The following PPP4R3B variants were observed in gnomAD, a reference collection of about 807,000 sequenced individuals.
PPP4R3B encodes the protein protein phosphatase 4 regulatory subunit 3B.
In PPP4R3B, 52 loss-of-function variants were observed where a neutral mutation model predicts 95.4. That is an observed-to-expected ratio of 0.54 (90% CI 0.44 to 0.69). The LOEUF is 0.69. PPP4R3B is among the 30% of genes least tolerant of loss of function. The pLI is 0.00. For synonymous variants in PPP4R3B, 407 were observed against 343.9 expected (o/e 1.18, Z -2.03); for missense variants, 1,003 against 1,005.9 (o/e 1.00, Z 0.04).
intron 10 of PPP4R3B, among the ~76,000 whole-genome samples, chr2:55,577,618 G>A (rs1368075036): frequency 6.6e-6 from 1 of 152,002 alleles, no homozygotes; most frequent in Non-Finnish European, 1.5e-5. Flanking sequence ...AGATAAAACT[G>A]ACATATCTTC....
intron 7 of PPP4R3B, among the ~76,000 whole-genome samples, chr2:55,582,387 G>A (rs1224718320): frequency 6.6e-6 from 1 of 152,064 alleles, no homozygotes; most frequent in African/African-American, 2.4e-5. Context: ...TTTAGTAGCT[G>A]GGATTAAAGG....
At chr2:55,587,881 TAG>T (rs1255994344) in intron 5 of PPP4R3B, among the ~76,000 whole-genome samples, 1 of 152,158 alleles carries the variant, frequency 6.6e-6, no homozygotes, top group Non-Finnish European at 1.5e-5. Flanking sequence ...AAAGATGACT[TAG>T]AGGTTTTAAA....
intron 5 of PPP4R3B, among the ~76,000 whole-genome samples, chr2:55,588,271 T>C (rs1690437718): frequency 6.6e-6 from 1 of 152,178 alleles, no homozygotes; most frequent in Non-Finnish European, 1.5e-5. Flanking sequence ...CCCAGCACTT[T>C]AGGAGGCCAA....
intron 2 of PPP4R3B, among the ~76,000 whole-genome samples, chr2:55,610,988 C>T (rs554286087): frequency 9.0e-4 from 136 of 151,482 alleles, no homozygotes; most frequent in African/African-American, 3.2e-3. Flanking sequence ...ACCTCAGATT[C>T]CCAAGCAGCT....
chr2:55,616,323 A>C (rs1189350346), intron 1 of PPP4R3B, among the ~76,000 whole-genome samples: 1 of 152,218 alleles, frequency 6.6e-6, no homozygotes, highest in Non-Finnish European at 1.5e-5. Context: ...ATGACTATTT[A>C]AAATAAAAGG....
intron 5 of PPP4R3B, among the ~76,000 whole-genome samples, chr2:55,588,665 T>C (rs1242544562): frequency 6.6e-6 from 1 of 152,122 alleles, no homozygotes; most frequent in Non-Finnish European, 1.5e-5. Context: ...GGGTGATACA[T>C]CAGAACATCC....
At chr2:55,551,006 T>A (rs1332402868) in intron 16 of PPP4R3B, among the ~76,000 whole-genome samples, 1 of 152,130 alleles carries the variant, frequency 6.6e-6, no homozygotes. Flanking sequence ...AGGCTAACTG[T>A]AGGTCTGATG....
intron 2 of PPP4R3B, among the ~76,000 whole-genome samples, chr2:55,612,280 C>T (rs190975247): frequency 2.6e-5 from 4 of 152,244 alleles, no homozygotes; most frequent in South Asian, 2.1e-4. Flanking sequence ...GAACAACAGA[C>T]TTCATGTGAT....
intron 4 of PPP4R3B, among the ~76,000 whole-genome samples, chr2:55,589,293 A>G (rs1473722304): frequency 5.3e-5 from 8 of 152,230 alleles, no homozygotes; most frequent in South Asian, 2.1e-4. Flanking sequence ...TAATTTAAAC[A>G]TAATTCAAAC....
intron 13 of PPP4R3B, among the ~76,000 whole-genome samples, chr2:55,566,029 A>C (rs1171676994): frequency 1.3e-5 from 2 of 152,218 alleles, no homozygotes; most frequent in African/African-American, 4.8e-5. Flanking sequence ...AATAACTTCT[A>C]AATTCTAAAC....
intron 4 of PPP4R3B, among the ~76,000 whole-genome samples, chr2:55,589,419 G>C (rs1216230903): frequency 6.6e-6 from 1 of 152,184 alleles, no homozygotes; most frequent in Non-Finnish European, 1.5e-5. Context: ...AAGTTACAAA[G>C]CTATTTAAAA....
chr2:55,587,362 T>C (rs1574818912), intron 5 of PPP4R3B, among the ~76,000 whole-genome samples: 1 of 152,146 alleles, frequency 6.6e-6, no homozygotes, highest in Admixed American at 6.5e-5. Context: ...GGCAGGCGGA[T>C]CACTTGAGTC....
At chr2:55,601,954 A>G (rs1692680198) in intron 3 of PPP4R3B, among the ~76,000 whole-genome samples, 2 of 152,200 alleles carry the variant, frequency 1.3e-5, no homozygotes, top group African/African-American at 4.8e-5. Context: ...CTAAACTAAG[A>G]AAAATGAAAG....
chr2:55,606,297 G>A (rs994528373), intron 2 of PPP4R3B, among the ~76,000 whole-genome samples: 6 of 152,162 alleles, frequency 3.9e-5, no homozygotes, highest in Non-Finnish European at 1.5e-5. Context: ...TGTTTGAACT[G>A]TAATGGCTCC....
At chr2:55,609,680 A>G (rs1018146223) in intron 2 of PPP4R3B, among the ~76,000 whole-genome samples, 4 of 151,714 alleles carry the variant, frequency 2.6e-5, no homozygotes, top group African/African-American at 9.7e-5. Context: ...AAAAAAAAAA[A>G]ACAAAAAAAA....
At chr2:55,597,036 T>A (rs944835802) in intron 4 of PPP4R3B, among the ~76,000 whole-genome samples, 3 of 152,050 alleles carry the variant, frequency 2.0e-5, no homozygotes, top group African/African-American at 7.2e-5. Context: ...AGTAGAATAG[T>A]GGTTACTAAG....
intron 16 of PPP4R3B, 32 bp downstream of exon 16, chr2:55,558,743 G>A: frequency 3.5e-6 from 5 of 1,429,270 alleles, no homozygotes; most frequent in Non-Finnish European, 4.7e-6. Flanking sequence ...GACGGGAAAA[G>A]CAAAGTTTGT....
chr2:55,575,997 C>G (rs1688612181), intron 11 of PPP4R3B, among the ~76,000 whole-genome samples: 1 of 152,020 alleles, frequency 6.6e-6, no homozygotes, highest in Non-Finnish European at 1.5e-5. Context: ...TGCTCCAGAC[C>G]AATTGCTCTA....
At chr2:55,561,660 T>C (rs1483723293) in intron 15 of PPP4R3B, among the ~76,000 whole-genome samples, 1 of 152,264 alleles carries the variant, frequency 6.6e-6, no homozygotes, top group Admixed American at 6.5e-5. Context: ...GGAGATTATT[T>C]TGGAGCTTTA....
Sources: allele counts gnomAD v4.1 joint callset (sites outside exome capture counted in the v4.1 genomes callset), GRCh38; gene constraint gnomAD v4.1.1; transcripts MANE v1.5; gene names NCBI Gene and HGNC (gene_info 2026-07-23, HGNC 2026-07-21).